Variants in BEND3 observed in about 807,000 individuals in gnomAD.
BEND3 encodes BEN domain-containing protein 3.
A neutral mutation model predicts 60.1 loss-of-function variants in BEND3; 13 were observed. The ratio of observed to expected loss-of-function variants is 0.22; its 90% CI spans 0.14 to 0.34. The LOEUF is 0.34. BEND3 is among the 10% of genes least tolerant of loss of function. The pLI is 1.00. For synonymous variants in BEND3, 497 were observed against 491.5 expected (o/e 1.01, Z -0.15); for missense variants, 896 against 1,138.1 (o/e 0.79, Z 3.06).
Position 107,069,483 on chromosome 6 carries a change from T to C in BEND3, c.1708A>G (p.Ile570Val), listed in dbSNP as rs1434744523. The C allele has an allele frequency of 1.9e-5, 31 of 1,612,728 alleles. No homozygotes were observed. Among genetic ancestry groups the C allele is most frequent in the Non-Finnish European group, 2.5e-5 (30 of 1,179,994 alleles). Residue 570 changes from isoleucine (I) to valine (V), a missense_variant, in exon 4 of 4, where the codon ATC (isoleucine) becomes GTC (valine). Around this residue, in one of 4 missense-constraint regions of BEND3, gnomAD observed 846 missense variants for 1,036.7 expected, o/e 0.82. Coordinates refer to ENST00000369042, the MANE Select transcript of BEND3 (RefSeq NM_001367314.1). ...LRSIYESSLS[I>V]GNFASRLLVH... ...AGCAGGCGCGAGGCGAAGTTGCCGA[T>C]GGACAGGCTGCTCTCGTAGATGCTG...
intron 1 of BEND3, among the ~76,000 whole-genome samples, chr6:107,109,675 A>T (rs2115039528): frequency 6.6e-6 from 1 of 152,180 alleles, no homozygotes; most frequent in Middle Eastern, 3.4e-3. Context: ...GGAGTTCGAG[A>T]CCAGCCTGGC....
chr6:107,110,727 G>A (rs1362877354), intron 1 of BEND3, among the ~76,000 whole-genome samples: 1 of 151,986 alleles, frequency 6.6e-6, no homozygotes, highest in African/African-American at 2.4e-5. Flanking sequence ...GCTAATTTTT[G>A]TATTTTTAGT....
intron 3 of BEND3, among the ~76,000 whole-genome samples, chr6:107,096,332 C>T (rs1456804181): frequency 1.3e-5 from 2 of 152,174 alleles, no homozygotes; most frequent in African/African-American, 4.8e-5. Context: ...CTAGAATTGG[C>T]CGGGCATAGT....
intron 1 of BEND3, among the ~76,000 whole-genome samples, chr6:107,106,892 GCCACCACA>G (rs1775826777): frequency 1.3e-5 from 2 of 150,844 alleles, no homozygotes; most frequent in South Asian, 4.2e-4. Flanking sequence ...TCAGATGCAA[GCCACCACA>G]CCTGACCCTT....
rs782679876 is a variant in BEND3 at position 107,069,442 on chromosome 6, G to A, written c.1749C>T (p.Pro583=). The change falls in exon 4 of 4, where the codon CCC becomes CCT. Residue 583 remains proline (P), a synonymous_variant. Transcript: ENST00000369042. ...GCAGGTTCTCGTGCGTGAAGAGCTC[G>A]GGGAACAGGTGCACCAGCAGGCGCG... The part of the protein sequence containing the change: ...FASRLLVHLF[P]ELFTHENLRK... 2.4e-5 allele frequency: 38 copies of A among 1,612,312 alleles called. No homozygotes were observed. The highest frequency in any genetic ancestry group is 4.0e-5 in the African/African-American group (3 of 74,944).
chr6:107,079,622 C>T (rs980652090), intron 3 of BEND3, among the ~76,000 whole-genome samples: 1 of 152,142 alleles, frequency 6.6e-6, no homozygotes, highest in Non-Finnish European at 1.5e-5. Context: ...ACACCCCCAT[C>T]GCATGCCCTG....
In BEND3 at chr6:107,065,679, G is replaced by A. The variant is rs538435664; in HGVS notation, c.*3025C>T. 6.6e-6 allele frequency: 1 copy of A among 152,174 alleles called. No individual in the cohort carries two copies. The highest frequency in any genetic ancestry group is 2.4e-5 in the African/African-American group (1 of 41,430). The allele number at this position is 152,174 out of a possible 1,614,324, so 9.4% of individuals were successfully genotyped here. A position where few individuals can be genotyped will look rare whatever the true frequency, so the allele number is the denominator to read the frequency against. On this transcript the variant is annotated 3_prime_UTR_variant, in exon 4 of 4. Transcript: ENST00000369042. ...GAGGCCATCTCTAAATGAACCCAGT[G>A]GTCATGCTGTGGTGTGGTCAGACCA...
At chr6:107,101,903 T>C (rs1775709123) in intron 1 of BEND3, among the ~76,000 whole-genome samples, 1 of 151,350 alleles carries the variant, frequency 6.6e-6, no homozygotes, top group Admixed American at 6.6e-5. Flanking sequence ...TCAAGGGGAG[T>C]TCTGAGATGC....
chr6:107,067,636 G>C lies in BEND3; in HGVS notation c.*1068C>G, dbSNP rs897810396. Reference sequence around the variant, plus strand: ...GCATGGTATCCCCAAGAGGGGCCCAGACCTGGGCCCGCCCTGAGGAATGAG... The same window carrying C: ...GCATGGTATCCCCAAGAGGGGCCCACACCTGGGCCCGCCCTGAGGAATGAG... On this transcript the variant is annotated 3_prime_UTR_variant, in exon 4 of 4. Transcript: ENST00000369042. 1 of 152,334 alleles carries C rather than the reference G, an allele frequency of 6.6e-6. No homozygotes were observed. The highest frequency in any genetic ancestry group is 2.4e-5 in the African/African-American group (1 of 41,470). 9.4% of individuals were successfully genotyped at this position (152,334 alleles called of 1,614,324 possible).
chr6:107,090,501 T>C (rs1279654394), intron 3 of BEND3, among the ~76,000 whole-genome samples: 1 of 152,188 alleles, frequency 6.6e-6, no homozygotes, highest in Non-Finnish European at 1.5e-5. Context: ...ATAAAAACTT[T>C]ATTTTTCTTA....
chr6:107,081,013 G>A (rs1775220003), intron 3 of BEND3, among the ~76,000 whole-genome samples: 1 of 152,124 alleles, frequency 6.6e-6, no homozygotes, highest in South Asian at 2.1e-4. Context: ...CCAAGCTGGA[G>A]TGCAGAGGCA....
At chr6:107,095,149 TG>T (rs1290752042) in intron 3 of BEND3, among the ~76,000 whole-genome samples, 1 of 151,928 alleles carries the variant, frequency 6.6e-6, no homozygotes, top group Non-Finnish European at 1.5e-5. Context: ...CACTCCACCC[TG>T]GCAACAGAGA....
At chr6:107,088,299 G>A (rs1247644191) in intron 3 of BEND3, among the ~76,000 whole-genome samples, 2 of 152,088 alleles carry the variant, frequency 1.3e-5, no homozygotes, top group Non-Finnish European at 2.9e-5. Context: ...AAAAGGAATG[G>A]AAAATTTGAA....
chr6:107,086,571 C>T (rs1185286651), intron 3 of BEND3, among the ~76,000 whole-genome samples: 3 of 149,896 alleles, frequency 2.0e-5, no homozygotes, highest in African/African-American at 4.9e-5. Flanking sequence ...GCCGAAATCG[C>T]GTCACTGCAC....
intron 3 of BEND3, among the ~76,000 whole-genome samples, chr6:107,082,423 C>T (rs311226): frequency 0.82 from 124,553 of 152,086 alleles, 51,056 homozygotes; most frequent in East Asian, 0.89. Context: ...AATAAAATAG[C>T]GGTTGCTTTT....
chr6:107,070,961 A>C lies in BEND3; in HGVS notation c.241-11T>G. 6.3e-7 allele frequency: 1 copy of C among 1,596,422 alleles called. No individual in the cohort carries two copies. Among genetic ancestry groups the C allele is most frequent in the African/African-American group, 1.3e-5 (1 of 74,558 alleles). ...GCCTGCTAGGAGAGCCTGCAAAACA[A>C]AAATCATTTCCCAGAGTGTTAGGTG... is the stretch of plus-strand genomic sequence containing the variant. On this transcript the variant is annotated splice_polypyrimidine_tract_variant and intron_variant, in intron 3 of 3. Transcript: ENST00000369042. The surrounding 1 kb of genome is among the most constrained non-coding windows in gnomAD (Gnocchi z 6.9).
In BEND3 at chr6:107,068,989, G is replaced by A. The variant is rs781867015; in HGVS notation, c.2202C>T (p.Leu734=). Residue 734 remains leucine (L), a synonymous_variant, in exon 4 of 4, where the codon CTC becomes CTT. Transcript: ENST00000369042. The surrounding 1 kb of genome is among the most constrained non-coding windows in gnomAD (Gnocchi z 5.8). Reference sequence around the variant, plus strand: ...GCCGGGCGGCAAAGTTGCCCACGGAGAGGCTCTGCTGCACGATCTCACGCA... The same window carrying A: ...GCCGGGCGGCAAAGTTGCCCACGGAAAGGCTCTGCTGCACGATCTCACGCA... ...KEVREIVQQS[L]SVGNFAARLL... 1.9e-6 allele frequency: 3 copies of A among 1,613,844 alleles called. No individual in the cohort carries two copies. Among genetic ancestry groups the A allele is most frequent in the Non-Finnish European group, 2.5e-6 (3 of 1,180,028 alleles).
intron 2 of BEND3, among the ~76,000 whole-genome samples, 198 bp from the exon 3 acceptor site, chr6:107,098,951 T>G (rs1554236413): frequency 1.3e-5 from 2 of 152,208 alleles, no homozygotes; most frequent in African/African-American, 4.8e-5. Flanking sequence ...AATAAAGCCA[T>G]GTTCCAAGAG....
chr6:107,089,007 G>C (rs564910844), intron 3 of BEND3, among the ~76,000 whole-genome samples: 34 of 152,150 alleles, frequency 2.2e-4, no homozygotes, highest in African/African-American at 8.2e-4. Context: ...TTAGCTGGGC[G>C]TGATGGTGGG....
Sources: allele counts gnomAD v4.1 joint callset (sites outside exome capture counted in the v4.1 genomes callset), GRCh38; gene constraint gnomAD v4.1.1; regional missense constraint gnomAD v4.1.1; non-coding constraint Gnocchi (gnomAD v3.1); transcripts MANE v1.5; gene names NCBI Gene and HGNC (gene_info 2026-07-23, HGNC 2026-07-21).